FSTL5: variants seen among roughly 807,000 people sequenced by gnomAD.
FSTL5 encodes follistatin-related protein 5.
A neutral mutation model predicts 89.1 loss-of-function variants in FSTL5; 62 were observed. The ratio of observed to expected loss-of-function variants is 0.70; its 90% CI spans 0.57 to 0.86. FSTL5 has a LOEUF of 0.86. Ranked by LOEUF, FSTL5 falls within the 40% of genes least tolerant of loss-of-function variation. FSTL5 has a pLI of 0.00. For synonymous variants in FSTL5, 383 were observed against 346.2 expected (o/e 1.11, Z -1.18); for missense variants, 1,057 against 1,001.6 (o/e 1.06, Z -0.75).
intron 3 of FSTL5, among the ~76,000 whole-genome samples, chr4:162,006,367 C>A (rs754276023): frequency 6.6e-6 from 1 of 151,826 alleles, no homozygotes; most frequent in East Asian, 1.9e-4. Context: ...TTAAAAATAA[C>A]CACCTTCCTT....
At chr4:161,703,235 A>G (rs555782006) in intron 6 of FSTL5, among the ~76,000 whole-genome samples, 4 of 152,230 alleles carry the variant, frequency 2.6e-5, no homozygotes, top group South Asian at 4.1e-4. Flanking sequence ...TTGTTACAAC[A>G]GCACTAGCAA....
intron 4 of FSTL5, among the ~76,000 whole-genome samples, chr4:161,783,663 CTCTTTCTTTCTTTCTCTT>C (rs1357417900): frequency 0.049 from 3,021 of 61,800 alleles, 252 homozygotes; most frequent in Middle Eastern, 0.086. Flanking sequence ...TTCTTTCTTT[CTCTTTCTTTCTTTCTCTT>C]TCTTTCTTTC....
At chr4:161,623,986 A>T (rs1294022167) in intron 7 of FSTL5, among the ~76,000 whole-genome samples, 1 of 152,060 alleles carries the variant, frequency 6.6e-6, no homozygotes, top group Non-Finnish European at 1.5e-5. Context: ...ACTTTAGAAC[A>T]CCATATTAAT....
intron 7 of FSTL5, among the ~76,000 whole-genome samples, chr4:161,613,319 C>T (rs1051771750): frequency 4.0e-5 from 6 of 151,814 alleles, no homozygotes; most frequent in Admixed American, 3.9e-4. Context: ...GGCATGATGG[C>T]GCACGCCGGT....
intron 6 of FSTL5, among the ~76,000 whole-genome samples, chr4:161,743,323 T>C (rs903101811): frequency 1.3e-5 from 2 of 152,182 alleles, no homozygotes; most frequent in African/African-American, 4.8e-5. Context: ...GTTTTGGGAC[T>C]CTTGTTGAAA....
At position 161,840,729 on chromosome 4, in the gene FSTL5, G is replaced by A. The variant is rs140864077; in HGVS notation, c.410-64655C>T. On this transcript the variant is annotated intron_variant, in intron 4 of 15. Coordinates refer to ENST00000306100, the MANE Select transcript of FSTL5 (RefSeq NM_020116.5). ...CTTTCAATGTATTCCTAAAATTACT[G>A]TACAGGATGAACTGGGCAATTGATG... 7.5e-3 allele frequency among the ~76,000 whole-genome samples: 1,137 copies of A among 152,206 alleles called. 18 individuals carry two copies. Among genetic ancestry groups the A allele is most frequent in the African/African-American group, 0.025 (1,021 of 41,536 alleles).
intron 15 of FSTL5, among the ~76,000 whole-genome samples, chr4:161,431,051 A>T (rs1560891562): frequency 6.6e-6 from 1 of 152,202 alleles, no homozygotes; most frequent in Admixed American, 6.5e-5. Flanking sequence ...CCTACAAAAA[A>T]TGTTAAAGAC....
chr4:161,627,401 C>T (rs1735351720), intron 7 of FSTL5, among the ~76,000 whole-genome samples: 1 of 152,064 alleles, frequency 6.6e-6, no homozygotes, highest in Non-Finnish European at 1.5e-5. Flanking sequence ...ATACATAATG[C>T]CATCGTACTT....
At chr4:161,784,089 C>A (rs923758279) in intron 4 of FSTL5, among the ~76,000 whole-genome samples, 10 of 151,810 alleles carry the variant, frequency 6.6e-5, no homozygotes, top group Non-Finnish European at 1.2e-4. Flanking sequence ...GCACGTGCCA[C>A]CATGCCAGGC....
chr4:161,436,389 C>T (rs533478104), intron 15 of FSTL5, among the ~76,000 whole-genome samples: 1 of 152,300 alleles, frequency 6.6e-6, no homozygotes, highest in Admixed American at 6.5e-5. Flanking sequence ...AAAACCATAA[C>T]CATTCCTGAG....
intron 2 of FSTL5, 133 bp downstream of exon 2, chr4:162,111,138 T>C (rs909108523): frequency 2.2e-5 from 16 of 714,420 alleles, no homozygotes; most frequent in Non-Finnish European, 3.2e-5. Flanking sequence ...AAATGTGCAT[T>C]TTAAAAATAA....
intron 15 of FSTL5, among the ~76,000 whole-genome samples, chr4:161,408,929 A>G (rs941210837): frequency 1.3e-5 from 2 of 152,260 alleles, no homozygotes; most frequent in Non-Finnish European, 2.9e-5. Flanking sequence ...TGAAGAGACC[A>G]TATCCATGAC....
intron 1 of FSTL5, among the ~76,000 whole-genome samples, chr4:162,118,370 C>T (rs1731729507): frequency 6.6e-6 from 1 of 152,186 alleles, no homozygotes; most frequent in Non-Finnish European, 1.5e-5. Context: ...ACGCCATTCT[C>T]CTGCCTCTGC....
At chr4:161,847,913 G>A (rs188384434) in intron 4 of FSTL5, among the ~76,000 whole-genome samples, 57 of 151,702 alleles carry the variant, frequency 3.8e-4, no homozygotes, top group African/African-American at 1.4e-3. Context: ...GTGTGTGCCT[G>A]TAATCACAGC....
intron 4 of FSTL5, among the ~76,000 whole-genome samples, chr4:161,785,519 A>AACTT: frequency 6.6e-6 from 1 of 152,324 alleles, no homozygotes; most frequent in Non-Finnish European, 1.5e-5. Context: ...CTAACAATAT[A>AACTT]ACTTATAGCT....
intron 1 of FSTL5, among the ~76,000 whole-genome samples, chr4:162,160,667 A>G (rs945498049): frequency 2.0e-5 from 3 of 151,796 alleles, no homozygotes; most frequent in African/African-American, 7.3e-5. Context: ...TTATTTTTAA[A>G]TGGTCATTAT....
chr4:161,492,480 T>C (rs759145284), intron 12 of FSTL5, among the ~76,000 whole-genome samples: 3 of 152,200 alleles, frequency 2.0e-5, no homozygotes, highest in Non-Finnish European at 4.4e-5. Context: ...TATATGCATA[T>C]AAATGTAATA....
chr4:161,467,875 T>C (rs1379885654), intron 13 of FSTL5, among the ~76,000 whole-genome samples: 1 of 152,116 alleles, frequency 6.6e-6, no homozygotes, highest in Non-Finnish European at 1.5e-5. Context: ...AAAAGATAAA[T>C]GTATGTATTT....
intron 7 of FSTL5, among the ~76,000 whole-genome samples, chr4:161,620,655 T>TCAAAAA (rs1045162086): frequency 1.8e-4 from 27 of 151,866 alleles, no homozygotes; most frequent in East Asian, 3.9e-4. Flanking sequence ...AAACTCCATC[T>TCAAAAA]CAAAAACAAA....
Sources: gnomAD v4.1 joint callset for allele counts (sites outside exome capture counted in the v4.1 genomes callset) on GRCh38, gnomAD v4.1.1 for gene constraint, MANE v1.5 for transcripts, NCBI Gene and HGNC (gene_info 2026-07-23, HGNC 2026-07-21) for gene names.